The following KMT2A variants were observed in gnomAD, a reference collection of about 807,000 sequenced individuals.
The protein encoded by KMT2A is lysine methyltransferase 2A.
In KMT2A, 16 loss-of-function variants were observed where a neutral mutation model predicts 345.3. That is an observed-to-expected ratio of 0.05 (90% CI 0.03 to 0.07). The LOEUF (loss-of-function observed/expected upper bound fraction) is 0.07. KMT2A is among the 10% of genes least tolerant of loss of function. The probability of loss-of-function intolerance (pLI) is 1.00; values close to 1 mark genes in which losing one functional copy is unlikely to be tolerated. For missense variants in KMT2A, 3,272 were observed against 4,841.6 expected (o/e 0.68, Z 9.62); for synonymous variants, 1,599 against 1,778.6 (o/e 0.90, Z 2.54).
chr11:118,494,600 T>C lies in KMT2A; in HGVS notation c.5290-94T>C, dbSNP rs1355796836. Reference sequence around the variant, plus strand: ...TCTTTCTCTTGGTGGCCTGAAATTATCCTCGTATTAACAGAGAAGCTGGTT... The same window carrying C: ...TCTTTCTCTTGGTGGCCTGAAATTACCCTCGTATTAACAGAGAAGCTGGTT... On this transcript the variant is annotated intron_variant, in intron 17 of 35. Transcript: ENST00000534358. The surrounding 1 kb of genome is among the most constrained non-coding windows in gnomAD (Gnocchi z 5.8). 4.4e-6 allele frequency: 5 copies of C among 1,127,730 alleles called. No individual in the cohort carries two copies. The highest frequency in any genetic ancestry group is 6.5e-6 in the Non-Finnish European group (5 of 770,064). The allele number at this position is 1,127,730 out of a possible 1,614,324, so 69.9% of individuals were successfully genotyped here.
In KMT2A at chr11:118,506,399, G is replaced by C. The variant is rs868961397; in HGVS notation, c.10507G>C (p.Ala3503Pro). ...PNSMGLEQNK[A>P]LSSAVQASPT... ...TAGCATGGGACTGGAGCAGAACAAG[G>C]CTTTATCCTCAGCTGTGCAAGCCAG... is the stretch of plus-strand genomic sequence containing the variant. Residue 3503 changes from alanine (A) to proline (P), a missense_variant, in exon 27 of 36, where the codon GCT becomes CCT. Ala to Pro is a conservative substitution (Grantham distance 27). Transcript: ENST00000534358. The C allele has an allele frequency of 5.0e-6, 8 of 1,614,146 alleles. No individual in the cohort carries two copies. In the Middle Eastern group the frequency reaches 8.2e-4, roughly 166 times the overall value.
rs1192716002 is a variant in KMT2A at position 118,497,845 on chromosome 11, T to TGA, written c.5665-89_5665-88dup. ...CATTAAAGAATTATAGTTGCTTTCT[T>TGA]GAGGTTATCTTCACTGGAAAAGCTA... On this transcript the variant is annotated intron_variant, in intron 20 of 35. Transcript: ENST00000534358. This position sits in a 1 kb window ranked among gnomAD's most constrained non-coding sequence, Gnocchi z 4.8. The TGA allele has an allele frequency of 1.0e-6, 1 of 972,710 alleles. No homozygotes were observed. Among genetic ancestry groups the TGA allele is most frequent in the Admixed American group, 2.2e-5 (1 of 46,094 alleles). 60.3% of individuals were successfully genotyped at this position (972,710 alleles called of 1,614,324 possible).
At chr11:118,492,319 C>A (rs1465237919) in intron 15 of KMT2A, among the ~76,000 whole-genome samples, 3 of 152,184 alleles carry the variant, frequency 2.0e-5, no homozygotes, top group Non-Finnish European at 4.4e-5. Context: ...TTATAGTAAT[C>A]AACTGGAAAA....
chr11:118,478,768 T>C (rs782167026), intron 5 of KMT2A, among the ~76,000 whole-genome samples: 95 of 152,170 alleles, frequency 6.2e-4, no homozygotes, highest in Non-Finnish European at 3.2e-4. Flanking sequence ...GGAATTTTTT[T>C]TTTTAAGAGA....
At chr11:118,519,437 T>A in intron 31 of KMT2A, 181 bp from the exon 32 acceptor site, 2 of 548,100 alleles carry the variant, frequency 3.6e-6, no homozygotes, top group Non-Finnish European at 6.6e-6. Flanking sequence ...TTTTCCATAT[T>A]GATAGATCTG....
In KMT2A at chr11:118,436,977, C is replaced by G. The variant is rs2134155673; in HGVS notation, c.432+33C>G. The G allele has an allele frequency of 7.1e-7, 1 of 1,403,520 alleles. No individual in the cohort carries two copies. Among genetic ancestry groups the G allele is most frequent in the East Asian group, 2.9e-5 (1 of 34,728 alleles). 86.9% of individuals were successfully genotyped at this position (1,403,520 alleles called of 1,614,324 possible). A position where few individuals can be genotyped will look rare whatever the true frequency, so the allele number is the denominator to read the frequency against. On this transcript the variant is annotated intron_variant, in intron 1 of 35. Transcript: ENST00000534358. The surrounding 1 kb of genome is among the most constrained non-coding windows in gnomAD (Gnocchi z 6.9). ...GGCGAGGAACCCCCAGGTCCGGGGT[C>G]TCGACCCTCTGCGGAGCCCCCTCCC...
intron 1 of KMT2A, among the ~76,000 whole-genome samples, chr11:118,466,515 T>G (rs1949846878): frequency 6.6e-6 from 1 of 152,198 alleles, no homozygotes; most frequent in African/African-American, 2.4e-5. Context: ...TTAAAATTTT[T>G]TTAAAGTAAA....
At chr11:118,438,289 G>A (rs1949241264) in intron 1 of KMT2A, among the ~76,000 whole-genome samples, 1 of 152,140 alleles carries the variant, frequency 6.6e-6, no homozygotes, top group Non-Finnish European at 1.5e-5. Flanking sequence ...TAGTACTGGG[G>A]CAAGAACGGA....
At chr11:118,469,815 T>C (rs782302481) in intron 2 of KMT2A, among the ~76,000 whole-genome samples, 2 of 152,256 alleles carry the variant, frequency 1.3e-5, no homozygotes, top group African/African-American at 2.4e-5. Context: ...CATCATATAT[T>C]ATCATCTAAT....
Position 118,522,326 on chromosome 11 carries a change from T to A in KMT2A, c.*154T>A. Reference sequence around the variant, plus strand: ...AGCTCTCTTATGTCCTATACTCACATCAGACATGTGATCATAGTCCCAGAG... The same window carrying A: ...AGCTCTCTTATGTCCTATACTCACAACAGACATGTGATCATAGTCCCAGAG... On this transcript the variant is annotated 3_prime_UTR_variant, in exon 36 of 36. Transcript: ENST00000534358. The surrounding 1 kb of genome is among the most constrained non-coding windows in gnomAD (Gnocchi z 5.4). The A allele has an allele frequency of 1.5e-6, 1 of 668,316 alleles. No homozygotes were observed. Among genetic ancestry groups the A allele is most frequent in the Non-Finnish European group, 2.5e-6 (1 of 394,982 alleles). The allele number at this position is 668,316 out of a possible 1,614,324, so 41.4% of individuals were successfully genotyped here.
intron 3 of KMT2A, among the ~76,000 whole-genome samples, chr11:118,475,150 T>C (rs188972322): frequency 6.6e-6 from 1 of 151,574 alleles, no homozygotes; most frequent in East Asian, 1.9e-4. Flanking sequence ...AATAAATAAA[T>C]AAATAAACAA....
rs1184130500 is a variant in KMT2A at position 118,520,520 on chromosome 11, G to A, written c.11430-282G>A. 12 of 406,042 alleles carry A rather than the reference G, an allele frequency of 3.0e-5. No homozygotes were observed. The highest frequency in any genetic ancestry group is 1.1e-4 in the Admixed American group (3 of 26,152). 25.2% of individuals were successfully genotyped at this position (406,042 alleles called of 1,614,324 possible). On this transcript the variant is annotated intron_variant, in intron 33 of 35. Transcript: ENST00000534358. This position sits in a 1 kb window ranked among gnomAD's most constrained non-coding sequence, Gnocchi z 4.3. ...ACAAAAATTAGCCCGGCGTGGTGGC[G>A]CGCGCCTGTAGTCCCACCTACTCAG... is the stretch of plus-strand genomic sequence containing the variant.
At position 118,495,410 on chromosome 11, in the gene KMT2A, C is replaced by T. The variant is rs1950392617; in HGVS notation, c.5364-290C>T. Among the ~76,000 whole-genome samples the T allele has an allele frequency of 6.6e-6, 1 of 152,042 alleles. No homozygotes were observed. Among genetic ancestry groups the T allele is most frequent in the South Asian group, 2.1e-4 (1 of 4,810 alleles). The stretch of plus-strand genomic sequence containing the variant: ...TGACCTGGTGATCCGCCTGCCTCAC[C>T]CTCCCAAAAGTGCTGGGATTACAGG... On this transcript the variant is annotated intron_variant, in intron 18 of 35. Transcript: ENST00000534358. The surrounding 1 kb of genome is among the most constrained non-coding windows in gnomAD (Gnocchi z 4.1).
At chr11:118,465,465 T>C (rs1949826824) in intron 1 of KMT2A, among the ~76,000 whole-genome samples, 1 of 152,228 alleles carries the variant, frequency 6.6e-6, no homozygotes, top group Non-Finnish European at 1.5e-5. Flanking sequence ...ATGAACCTTT[T>C]GAAGTCCCAT....
intron 1 of KMT2A, among the ~76,000 whole-genome samples, chr11:118,442,913 T>C (rs1294112315): frequency 6.6e-6 from 1 of 152,178 alleles, no homozygotes; most frequent in Non-Finnish European, 1.5e-5. Context: ...AAAAGGAATC[T>C]TAAGTCCTTT....
chr11:118,496,271 G>T lies in KMT2A; in HGVS notation c.5568G>T (p.Arg1856Ser), dbSNP rs1555043918. 6.2e-7 allele frequency: 1 copy of T among 1,612,854 alleles called. No individual in the cohort carries two copies. The highest frequency in any genetic ancestry group is 1.7e-5 in the Admixed American group (1 of 60,000). The part of the protein sequence containing the change: ...PPTPPILSTD[R>S]SREDSPELNP... ...CTTTTGGATTTCAAGGTACTGATAG[G>T]AGTCGAGAAGACAGTCCAGAGCTGA... The change falls in exon 20 of 36, where the codon AGG (arginine) becomes AGT (serine). Residue 1856 changes from arginine to serine, a missense_variant. Physicochemically the swap from Arg to Ser is moderately radical, Grantham distance 110. This residue lies in a region of KMT2A where 235 missense variants were observed against 503.4 expected (regional missense o/e 0.47). Transcript: ENST00000534358. The surrounding 1 kb of genome is among the most constrained non-coding windows in gnomAD (Gnocchi z 4.7).
In KMT2A at chr11:118,520,967, T is replaced by C. The variant is rs1342501506; in HGVS notation, c.11513+82T>C. ...AAGCAGACCAAATGCTGGAGTGACC[T>C]TCCTCACTCAGTAAGTGAGGATTTT... On this transcript the variant is annotated intron_variant, in intron 34 of 35. Transcript: ENST00000534358. The surrounding 1 kb of genome is among the most constrained non-coding windows in gnomAD (Gnocchi z 4.3). 1 of 1,015,256 alleles carries C rather than the reference T, an allele frequency of 9.8e-7. No homozygotes were observed. The highest frequency in any genetic ancestry group is 2.4e-5 in the East Asian group (1 of 41,534). 62.9% of individuals were successfully genotyped at this position (1,015,256 alleles called of 1,614,324 possible).
Position 118,493,108 on chromosome 11 carries a change from C to T in KMT2A, c.5056C>T (p.Arg1686Cys), listed in dbSNP as rs377724112. 8 of 1,613,870 alleles carry T rather than the reference C, an allele frequency of 5.0e-6. No homozygotes were observed. Among genetic ancestry groups the T allele is most frequent in the African/African-American group, 4.0e-5 (3 of 74,898 alleles). ...NPETEESIPS[R>C]SSPEGPDPPV... Reference sequence around the variant, plus strand: ...CGAGACAGAGGAGAGTATACCTTCCCGCAGCTCCCCCGAAGGACCTGATCC... The same window carrying T: ...CGAGACAGAGGAGAGTATACCTTCCTGCAGCTCCCCCGAAGGACCTGATCC... Residue 1686 changes from arginine (R) to cysteine (C), a missense_variant, in exon 16 of 36, where the codon CGC (arginine) becomes TGC (cysteine). Arg to Cys is a radical substitution (Grantham distance 180). Coordinates refer to ENST00000534358, the MANE Select transcript of KMT2A (RefSeq NM_001197104.2). This position sits in a 1 kb window ranked among gnomAD's most constrained non-coding sequence, Gnocchi z 5.8.
rs1448750958 is a variant in KMT2A, at chr11:118,491,678, G to GTT, written c.4820-64_4820-63dup. The GTT allele has an allele frequency of 1.7e-5, 22 of 1,272,414 alleles. No individual in the cohort carries two copies. Among genetic ancestry groups the GTT allele is most frequent in the Non-Finnish European group, 2.4e-5 (22 of 913,056 alleles). 78.8% of individuals were successfully genotyped at this position (1,272,414 alleles called of 1,614,324 possible). A position where few individuals can be genotyped will look rare whatever the true frequency, so the allele number is the denominator to read the frequency against. On this transcript the variant is annotated intron_variant, in intron 14 of 35. Transcript: ENST00000534358. This position sits in a 1 kb window ranked among gnomAD's most constrained non-coding sequence, Gnocchi z 4.2. ...GCTTTATAGTAAGTTCAGTGGAATA[G>GTT]TTTCCTCTTCTTCCTCTCTCTCATT...
Sources: gnomAD v4.1 joint callset for allele counts (sites outside exome capture counted in the v4.1 genomes callset) on GRCh38, gnomAD v4.1.1 for gene constraint, gnomAD v4.1.1 regional missense constraint, Gnocchi (gnomAD v3.1) non-coding constraint, MANE v1.5 for transcripts, NCBI Gene and HGNC (gene_info 2026-07-23, HGNC 2026-07-21) for gene names.